Variants in DCDC2 observed in about 807,000 individuals in gnomAD.
DCDC2 encodes doublecortin domain-containing protein 2.
DCDC2 carries 40 observed loss-of-function variants against 50.2 expected under a neutral mutation model. That is an observed-to-expected ratio of 0.80 (90% CI 0.62 to 1.04). The LOEUF is 1.04. DCDC2 is among the 50% of genes least tolerant of loss of function. The pLI is 0.00. For synonymous variants in DCDC2, 234 were observed against 210.6 expected (o/e 1.11, Z -0.96); for missense variants, 570 against 581.9 (o/e 0.98, Z 0.21).
chr6:24,193,564 A>G (rs959787251), intron 8 of DCDC2, among the ~76,000 whole-genome samples: 2 of 152,212 alleles, frequency 1.3e-5, no homozygotes, highest in Admixed American at 6.5e-5. Flanking sequence ...AAGTGAAAAA[A>G]TAGGTAATTA....
At chr6:24,197,188 C>T (rs1761463228) in intron 8 of DCDC2, among the ~76,000 whole-genome samples, 1 of 152,210 alleles carries the variant, frequency 6.6e-6, no homozygotes, top group Non-Finnish European at 1.5e-5. Flanking sequence ...TAAGCTAGCA[C>T]TCACAAGTTA....
chr6:24,367,824 A>G, the DCDC2 span, among the ~76,000 whole-genome samples: 2 of 152,240 alleles, frequency 1.3e-5, no homozygotes. Flanking sequence ...AACAAGAGAC[A>G]GAAGAATCAG....
At chr6:24,185,688 TACACACACACAC>T (rs35379687) in intron 8 of DCDC2, among the ~76,000 whole-genome samples, 7,252 of 144,456 alleles carry the variant, frequency 0.05, 440 homozygotes, top group African/African-American at 0.15. Flanking sequence ...TCCATACACA[TACACACACACAC>T]ACACACACAC....
intron 6 of DCDC2, among the ~76,000 whole-genome samples, chr6:24,282,145 A>C (rs1177875923): frequency 6.6e-6 from 1 of 152,226 alleles, no homozygotes; most frequent in Non-Finnish European, 1.5e-5. Context: ...TCTCACATGC[A>C]TATCAGTATA....
chr6:24,235,421 C>G (rs1176459845), intron 7 of DCDC2, among the ~76,000 whole-genome samples: 1 of 152,136 alleles, frequency 6.6e-6, no homozygotes, highest in African/African-American at 2.4e-5. Flanking sequence ...AAACCAAATC[C>G]AGCAGCACAT....
chr6:24,193,987 T>A (rs911185906), intron 8 of DCDC2, among the ~76,000 whole-genome samples: 1 of 152,120 alleles, frequency 6.6e-6, no homozygotes, highest in Admixed American at 6.5e-5. Context: ...AAGAATTTTT[T>A]AAATTAAAGT....
chr6:24,243,103 G>A (rs1581607226), intron 7 of DCDC2, among the ~76,000 whole-genome samples: 1 of 152,308 alleles, frequency 6.6e-6, no homozygotes, highest in South Asian at 2.1e-4. Context: ...AAACACACCA[G>A]TGAGACACAA....
At chr6:24,370,536 C>T in the DCDC2 span, among the ~76,000 whole-genome samples, 1 of 151,592 alleles carries the variant, frequency 6.6e-6, no homozygotes, top group Non-Finnish European at 1.5e-5. Flanking sequence ...TGTGAAACCC[C>T]ATCCCTACAA....
intron 2 of DCDC2, among the ~76,000 whole-genome samples, chr6:24,347,414 A>G (rs1453343490): frequency 2.0e-5 from 3 of 152,206 alleles, no homozygotes; most frequent in Non-Finnish European, 4.4e-5. Flanking sequence ...CCTCATATGG[A>G]TAAGTTCTGC....
chr6:24,280,546 AT>A (rs1008016266), intron 6 of DCDC2, among the ~76,000 whole-genome samples: 9 of 150,828 alleles, frequency 6.0e-5, no homozygotes, highest in East Asian at 3.9e-4. Context: ...AATTTTATTT[AT>A]TTTTTTTTAG....
chr6:24,239,995 G>A (rs1730002618), intron 7 of DCDC2, among the ~76,000 whole-genome samples: 1 of 152,150 alleles, frequency 6.6e-6, no homozygotes, highest in South Asian at 2.1e-4. Context: ...GGTGTGAGAT[G>A]TACAAAGATA....
chr6:24,278,195 G>A lies in DCDC2; in HGVS notation c.776C>T (p.Ser259Phe). ...GTCACTGGATCCAACTGTTGACTTA[G>A]AGTGGCGATCATTTCCCTAAATGGC... The part of the protein sequence containing the change: ...KSKGSGNDRH[S>F]KSTVGSSDNS... Residue 259 changes from serine to phenylalanine, a missense_variant, in exon 7 of 10, where the codon TCT becomes TTT. Coordinates refer to ENST00000378454, the MANE Select transcript of DCDC2 (RefSeq NM_016356.5). 1.9e-6 allele frequency: 3 copies of A among 1,609,068 alleles called. No individual in the cohort carries two copies. The highest frequency in any genetic ancestry group is 2.5e-6 in the Non-Finnish European group (3 of 1,178,712).
At chr6:24,177,306 A>G (rs542805742) in intron 9 of DCDC2, among the ~76,000 whole-genome samples, 15 of 152,368 alleles carry the variant, frequency 9.8e-5, no homozygotes, top group African/African-American at 3.4e-4. Context: ...TGAATAACTC[A>G]TATAGTGGAT....
rs918602187 is a variant in DCDC2 at position 24,205,420 on chromosome 6, T to C, written c.923-318A>G. 14 of 1,252,650 alleles carry C rather than the reference T, an allele frequency of 1.1e-5. No individual in the cohort carries two copies. In the African/African-American group the frequency reaches 2.0e-4, roughly 18 times the overall value. 77.6% of individuals were successfully genotyped at this position (1,252,650 alleles called of 1,614,324 possible). A position where few individuals can be genotyped will look rare whatever the true frequency, so the allele number is the denominator to read the frequency against. ...ATTGAGATGAGAAGAAATTCACAAG[T>C]ATCATCCCAGTTCTCCCCTCCTATT... On this transcript the variant is annotated intron_variant, in intron 7 of 9. Coordinates refer to ENST00000378454, the MANE Select transcript of DCDC2 (RefSeq NM_016356.5).
At chr6:24,370,544 C>CA in the DCDC2 span, among the ~76,000 whole-genome samples, 3 of 152,050 alleles carry the variant, frequency 2.0e-5, no homozygotes, top group African/African-American at 7.2e-5. Flanking sequence ...CCCATCCCTA[C>CA]AAAAAATACA....
intron 2 of DCDC2, among the ~76,000 whole-genome samples, chr6:24,310,643 A>C (rs1227299971): frequency 6.6e-6 from 1 of 152,132 alleles, no homozygotes; most frequent in Non-Finnish European, 1.5e-5. Flanking sequence ...CTCTAGTCCA[A>C]ATTTTTCTCC....
At chr6:24,208,197 C>G (rs1008606252) in intron 7 of DCDC2, among the ~76,000 whole-genome samples, 1 of 152,100 alleles carries the variant, frequency 6.6e-6, no homozygotes, top group Non-Finnish European at 1.5e-5. Flanking sequence ...CCTATGCCTT[C>G]CATGTCTAGT....
Position 24,290,937 on chromosome 6 carries a change from A to T in DCDC2, c.699T>A (p.Pro233=). The T allele has an allele frequency of 6.2e-7, 1 of 1,613,320 alleles. No individual in the cohort carries two copies. The highest frequency in any genetic ancestry group is 1.1e-5 in the South Asian group (1 of 90,914). The change falls in exon 5 of 10, where the codon CCT becomes CCA. Residue 233 remains proline, a synonymous_variant. Coordinates refer to ENST00000378454, the MANE Select transcript of DCDC2 (RefSeq NM_016356.5). ...LLFDKSTMRR[P]FGQKASSLPP... ...TGGTAAGGAGTAAGACTTACCCAAA[A>T]GGCCTTCTCATCGTTGACTTGTCAA...
chr6:24,369,599 A>AC, the DCDC2 span, among the ~76,000 whole-genome samples: 1 of 151,442 alleles, frequency 6.6e-6, no homozygotes, highest in Admixed American at 6.6e-5. Flanking sequence ...ACAGAGCGGG[A>AC]CTCCGTCTCA....
Sources: gnomAD v4.1 joint callset for allele counts (sites outside exome capture counted in the v4.1 genomes callset) on GRCh38, gnomAD v4.1.1 for gene constraint, MANE v1.5 for transcripts, NCBI Gene and HGNC (gene_info 2026-07-23, HGNC 2026-07-21) for gene names.